Variants in CDK12 observed in about 807,000 individuals in gnomAD.
CDK12 encodes cyclin dependent kinase 12.
A neutral mutation model predicts 133.8 loss-of-function variants in CDK12; 17 were observed. The ratio of observed to expected loss-of-function variants is 0.13; its 90% confidence interval spans 0.09 to 0.19. The LOEUF (loss-of-function observed/expected upper bound fraction) is 0.19, where lower values mean the gene tolerates loss of function less well. Ranked by LOEUF, CDK12 falls within the 10% of genes least tolerant of loss-of-function variation. The probability of loss-of-function intolerance (pLI) is 1.00; values close to 1 mark genes in which losing one functional copy is unlikely to be tolerated. For missense variants in CDK12, 1,508 were observed against 1,818.7 expected, an observed-to-expected ratio of 0.83 and a Z score of 3.11; for synonymous variants, 694 against 683.6, an observed-to-expected ratio of 1.02 and a Z score of -0.24.
chr17:39,481,633 G>T (rs111671342), intron 2 of CDK12, among the ~76,000 whole-genome samples: 3,484 of 17,222 alleles, frequency 0.2, 544 homozygotes, highest in South Asian at 0.44. Context: ...TCGCTCGCGC[G>T]CTCTCTCTCT....
At chr17:39,479,308 GAAAAAAA>G (rs34077108) in intron 2 of CDK12, among the ~76,000 whole-genome samples, 10 of 100,448 alleles carry the variant, frequency 1.0e-4, no homozygotes, top group African/African-American at 2.0e-4. Flanking sequence ...GACTCCGTCT[GAAAAAAA>G]AAAAAAAAAA....
intron 8 of CDK12, 68 bp from the exon 9 acceptor site, chr17:39,515,663 A>G (rs904499924): frequency 9.7e-7 from 1 of 1,027,808 alleles, no homozygotes; most frequent in East Asian, 2.4e-5. Context: ...TAATGTAAAA[A>G]TTTTTTGAGA....
At position 39,531,757 on chromosome 17, in the gene CDK12, T is replaced by C. The variant is rs1249222076; in HGVS notation, c.*441T>C. 1 of 236,444 alleles carries C rather than the reference T, an allele frequency of 4.2e-6. No homozygotes were observed. Among genetic ancestry groups the C allele is most frequent in the African/African-American group, 2.2e-5 (1 of 45,418 alleles). The allele number at this position is 236,444 out of a possible 1,614,324, so 14.6% of individuals were successfully genotyped here. A position where few individuals can be genotyped will look rare whatever the true frequency, so the allele number is the denominator to read the frequency against. ...TCTTTTGAATTTTAATTTAGGTGTT[T>C]TGGGTTTTTTTCCTTTAAAGAGAAT... is the stretch of plus-strand genomic sequence containing the variant. On this transcript the variant is annotated 3_prime_UTR_variant, in exon 14 of 14. Transcript: ENST00000447079.
chr17:39,474,839 T>A (rs1266150731), intron 2 of CDK12, among the ~76,000 whole-genome samples: 1 of 150,586 alleles, frequency 6.6e-6, no homozygotes, highest in African/African-American at 2.4e-5. Flanking sequence ...ATTTTTTATT[T>A]TTATTTTTTT....
Position 39,462,742 on chromosome 17 carries a change from A to C in CDK12, c.671A>C (p.His224Pro), listed in dbSNP as rs770184775. 7 of 1,614,084 alleles carry C rather than the reference A, an allele frequency of 4.3e-6. No homozygotes were observed. The Admixed American group carries it at 8.3e-5, about 19-fold the overall frequency. Reference protein sequence around the residue: ...DSPKRRSRSPHRKWSDSSKQD... With the variant: ...DSPKRRSRSPPRKWSDSSKQD... Reference sequence around the variant, plus strand: ...CCAAAACGGAGATCCAGGAGCCCCCACAGGAAGTGGTCTGACAGCTCCAAA... The same window carrying C: ...CCAAAACGGAGATCCAGGAGCCCCCCCAGGAAGTGGTCTGACAGCTCCAAA... The change falls in exon 1 of 14, where the codon CAC (histidine) becomes CCC (proline). Residue 224 changes from histidine (H) to proline (P), a missense_variant. Physicochemically the swap from His to Pro is moderately conservative, Grantham distance 77. Coordinates refer to ENST00000447079, the MANE Select transcript of CDK12 (RefSeq NM_016507.4).
At chr17:39,502,660 C>T (rs2052806879) in intron 6 of CDK12, among the ~76,000 whole-genome samples, 2 of 152,066 alleles carry the variant, frequency 1.3e-5, no homozygotes, top group Non-Finnish European at 2.9e-5. Flanking sequence ...ATTCAGTAAA[C>T]ATTTATTAAG....
rs188814954 is a variant in CDK12, at chr17:39,517,391, T to A, written c.2847-49T>A. ...CTGCTTCTGAAACCTCCGGAATTCA[T>A]GATGTTGACTCACTCACTCCATTGT... On this transcript the variant is annotated intron_variant, in intron 9 of 13. Coordinates refer to ENST00000447079, the MANE Select transcript of CDK12 (RefSeq NM_016507.4). 3.5e-5 allele frequency: 36 copies of A among 1,035,650 alleles called. No homozygotes were observed. In the African/African-American group the frequency reaches 5.4e-4, roughly 16 times the overall value. The allele number at this position is 1,035,650 out of a possible 1,614,324, so 64.2% of individuals were successfully genotyped here. A position where few individuals can be genotyped will look rare whatever the true frequency, so the allele number is the denominator to read the frequency against.
At chr17:39,560,559 C>T (rs888823219) in intron 3 of CDK12, among the ~76,000 whole-genome samples, 1 of 152,160 alleles carries the variant, frequency 6.6e-6, no homozygotes, top group Non-Finnish European at 1.5e-5. Context: ...AGGCTTTTTC[C>T]ACCACAGCTG....
intron 2 of CDK12, among the ~76,000 whole-genome samples, chr17:39,482,120 TCTC>T (rs2050765203): frequency 6.7e-6 from 1 of 149,718 alleles, no homozygotes. Flanking sequence ...TTCAACCAAT[TCTC>T]CTGCCTCAGC....
downstream of CDK12, among the ~76,000 whole-genome samples, chr17:39,566,345 A>C (rs1006567350): frequency 6.6e-6 from 1 of 152,114 alleles, no homozygotes; most frequent in South Asian, 2.1e-4. Flanking sequence ...CTCTCTGGTC[A>C]TTAGGGCAAG....
At position 39,530,830 on chromosome 17, in the gene CDK12, C is replaced by G. The variant is rs769403313; in HGVS notation, c.3987C>G (p.Ser1329=). The change falls in exon 14 of 14, where the codon TCC becomes TCG. Residue 1329 remains serine, a synonymous_variant. Coordinates refer to ENST00000447079, the MANE Select transcript of CDK12 (RefSeq NM_016507.4). The part of the protein sequence containing the change: ...EHQALRPMEY[S]TRPRPNRTYG... Reference sequence around the variant, plus strand: ...AGGCCTTGAGACCAATGGAGTACTCCACCCGACCCCGTCCAAACAGGACTT... The same window carrying G: ...AGGCCTTGAGACCAATGGAGTACTCGACCCGACCCCGTCCAAACAGGACTT... 2 of 1,614,212 alleles carry G rather than the reference C, an allele frequency of 1.2e-6. No homozygotes were observed. The highest frequency in any genetic ancestry group is 1.7e-6 in the Non-Finnish European group (2 of 1,180,042).
Position 39,471,564 on chromosome 17 carries a change from G to C in CDK12, c.1732G>C (p.Ala578Pro). 3 of 1,613,694 alleles carry C rather than the reference G, an allele frequency of 1.9e-6. No individual in the cohort carries two copies. Among genetic ancestry groups the C allele is most frequent in the Middle Eastern group, 1.6e-4 (1 of 6,062 alleles). The change falls in exon 2 of 14, where the codon GCT (alanine) becomes CCT (proline). Residue 578 changes from alanine to proline, a missense_variant. By Grantham distance (27) the Ala-to-Pro change is conservative. Around this residue, in one of 9 missense-constraint regions of CDK12, gnomAD observed 347 missense variants for 330.8 expected, o/e 1.05. Transcript: ENST00000447079. The part of the protein sequence containing the change: ...PSQPAFSQVP[A>P]SSTSTLPPST... ...TCAGCCAGCATTTAGTCAGGTTCCTGCTTCCAGTACTTCAACTTTGCCCCC... is the reference window on the plus strand; with the variant it reads ...TCAGCCAGCATTTAGTCAGGTTCCTCCTTCCAGTACTTCAACTTTGCCCCC...
Position 39,470,975 on chromosome 17 carries a change from T to C in CDK12, c.1143T>C (p.His381=). Residue 381 remains histidine, a synonymous_variant, in exon 2 of 14, where the codon CAT becomes CAC. Transcript: ENST00000447079. ...KKKRSSSRSR[H]SSISPVRLPL... is the part of the protein sequence containing the mutation. ...AGAGATCCAGTTCACGCAGTCGTCA[T>C]TCCAGTATCTCACCTGTCAGGCTTC... The C allele has an allele frequency of 1.2e-6, 2 of 1,614,176 alleles. No individual in the cohort carries two copies. Among genetic ancestry groups the C allele is most frequent in the Non-Finnish European group, 1.7e-6 (2 of 1,180,000 alleles).
chr17:39,476,711 CTTTTTTTT>C lies in CDK12; in HGVS notation c.1931+4970_1931+4977del, dbSNP rs879840168. On this transcript the variant is annotated intron_variant, in intron 2 of 13. Transcript: ENST00000447079. ...TACAGGCATGAGCCACCATGCCTGCCTTTTTTTTTTTTTTTTTTTTTTTTTTTTTGAGA... is the reference window on the plus strand; with the variant it reads ...TACAGGCATGAGCCACCATGCCTGCCTTTTTTTTTTTTTTTTTTTTTGAGA... Among the ~76,000 whole-genome samples the C allele has an allele frequency of 4.3e-4, 36 of 84,528 alleles. 5 individuals carry two copies. Among genetic ancestry groups the C allele is most frequent in the East Asian group, 1.9e-3 (5 of 2,660 alleles). 55.5% of individuals were successfully genotyped at this position (84,528 alleles called of 152,430 possible).
chr17:39,531,592 T>C lies in CDK12; in HGVS notation c.*276T>C, dbSNP rs1341686553. The C allele has an allele frequency of 2.8e-6, 1 of 353,840 alleles. No homozygotes were observed. Among genetic ancestry groups the C allele is most frequent in the Non-Finnish European group, 5.1e-6 (1 of 197,946 alleles). The allele number at this position is 353,840 out of a possible 1,614,324, so 21.9% of individuals were successfully genotyped here. ...AGAGAATATGGAGAGGATCATTACA[T>C]TGAAAAGTAAATGTTTTATTAGTTC... On this transcript the variant is annotated 3_prime_UTR_variant, in exon 14 of 14. Coordinates refer to ENST00000447079, the MANE Select transcript of CDK12 (RefSeq NM_016507.4).
At chr17:39,464,088 G>T (rs958111521) in intron 1 of CDK12, among the ~76,000 whole-genome samples, 1 of 152,092 alleles carries the variant, frequency 6.6e-6, no homozygotes, top group Non-Finnish European at 1.5e-5. Context: ...ACTTTTAAGG[G>T]TTGTGATGAT....
At chr17:39,541,513 C>A (rs545479890) in intron 1 of CDK12, among the ~76,000 whole-genome samples, 1 of 152,106 alleles carries the variant, frequency 6.6e-6, no homozygotes, top group East Asian at 1.9e-4. Context: ...TACAGGCACC[C>A]GCCACCATGC....
In CDK12 at chr17:39,499,511, T is replaced by C. The variant is rs528191967; in HGVS notation, c.2420-1739T>C. Among the ~76,000 whole-genome samples, 78 of 130,618 alleles carry C rather than the reference T, an allele frequency of 6.0e-4. 1 individual carries two copies. In the East Asian group the frequency reaches 0.016, roughly 26 times the overall value. 85.7% of individuals were successfully genotyped at this position (130,618 alleles called of 152,430 possible). On this transcript the variant is annotated intron_variant, in intron 5 of 13. Transcript: ENST00000447079. ...GGCATGAACTACCGCGCCCAGCCTCTTTTTTTTTTTTTCTCAAGATGGGGT... is the reference window on the plus strand; with the variant it reads ...GGCATGAACTACCGCGCCCAGCCTCCTTTTTTTTTTTTCTCAAGATGGGGT...
chr17:39,496,151 G>A (rs1450281232), intron 5 of CDK12, among the ~76,000 whole-genome samples: 4 of 152,054 alleles, frequency 2.6e-5, no homozygotes, highest in Non-Finnish European at 4.4e-5. Flanking sequence ...ACCTCAGGCA[G>A]TCATCCACCT....
Sources: allele counts gnomAD v4.1 joint callset (sites outside exome capture counted in the v4.1 genomes callset), GRCh38; gene constraint gnomAD v4.1.1; regional missense constraint gnomAD v4.1.1; transcripts MANE v1.5; gene names NCBI Gene and HGNC (gene_info 2026-07-23, HGNC 2026-07-21).